PTPRD: variants seen among roughly 807,000 people sequenced by gnomAD.
PTPRD encodes the protein protein tyrosine phosphatase receptor type D.
In PTPRD, 34 loss-of-function variants were observed where a neutral mutation model predicts 214.5. The ratio of observed to expected loss-of-function variants is 0.16; its 90% CI spans 0.12 to 0.21. The LOEUF is 0.21. Among genes scored for constraint, PTPRD ranks in the 10% least tolerant of loss-of-function variants. The probability of loss-of-function intolerance (pLI) is 1.00; values close to 1 mark genes in which losing one functional copy is unlikely to be tolerated. For synonymous variants in PTPRD, 1,128 were observed against 845.7 expected (o/e 1.33, Z -5.79); for missense variants, 2,545 against 2,398.7 (o/e 1.06, Z -1.27).
chr9:10,272,783 A>G (rs768633588), intron 3 of PTPRD, among the ~76,000 whole-genome samples: 7 of 152,232 alleles, frequency 4.6e-5, no homozygotes, highest in African/African-American at 1.7e-4. Flanking sequence ...ATTTTTCTAT[A>G]AACAGAAATG....
chr9:9,687,253 G>C (rs367831769), intron 7 of PTPRD, among the ~76,000 whole-genome samples: 5 of 151,810 alleles, frequency 3.3e-5, no homozygotes, highest in African/African-American at 1.2e-4. Flanking sequence ...CCCAATGTTA[G>C]AAAAATACAG....
intron 2 of PTPRD, among the ~76,000 whole-genome samples, chr9:10,506,386 T>C (rs972050794): frequency 7.2e-5 from 11 of 152,186 alleles, no homozygotes; most frequent in African/African-American, 2.7e-4. Flanking sequence ...TAGAGAACTT[T>C]GATTTCATCA....
chr9:8,984,682 C>G (rs921748981), intron 11 of PTPRD, among the ~76,000 whole-genome samples: 1 of 152,106 alleles, frequency 6.6e-6, no homozygotes, highest in African/African-American at 2.4e-5. Context: ...TCACAGAAGT[C>G]ATCTGCAGCC....
chr9:8,657,439 G>C (rs1351820846), intron 12 of PTPRD, among the ~76,000 whole-genome samples: 1 of 152,006 alleles, frequency 6.6e-6, no homozygotes, highest in Admixed American at 6.5e-5. Flanking sequence ...AAAGTGCTGG[G>C]ATTACAGGCG....
At chr9:9,685,091 G>C (rs897839314) in intron 7 of PTPRD, among the ~76,000 whole-genome samples, 4 of 151,380 alleles carry the variant, frequency 2.6e-5, no homozygotes, top group Non-Finnish European at 5.9e-5. Context: ...AAGAAAATAT[G>C]AAAGTATAAA....
chr9:8,962,903 A>T (rs1424000174), intron 11 of PTPRD: 2 of 152,138 alleles, frequency 1.3e-5, no homozygotes, highest in Non-Finnish European at 2.9e-5. Flanking sequence ...ATACTCCTTT[A>T]ACCGGCAATG....
intron 4 of PTPRD, among the ~76,000 whole-genome samples, chr9:9,987,160 C>G (rs185294848): frequency 6.6e-6 from 1 of 152,094 alleles, no homozygotes; most frequent in Non-Finnish European, 1.5e-5. Context: ...AACCAACAAC[C>G]TTTTCTCTGG....
chr9:9,564,094 C>G (rs1416914906), intron 8 of PTPRD, among the ~76,000 whole-genome samples: 4 of 152,116 alleles, frequency 2.6e-5, no homozygotes, highest in African/African-American at 7.2e-5. Flanking sequence ...ATAGCATGCT[C>G]ATCTGGCCTC....
intron 2 of PTPRD, among the ~76,000 whole-genome samples, chr9:10,438,677 T>C (rs1433941679): frequency 6.6e-6 from 1 of 151,776 alleles, no homozygotes; most frequent in Non-Finnish European, 1.5e-5. Flanking sequence ...TTTCAAGACC[T>C]CTGTATTTAC....
chr9:10,119,310 G>C (rs67224985), intron 3 of PTPRD, among the ~76,000 whole-genome samples: 21,553 of 151,900 alleles, frequency 0.14, 1,634 homozygotes, highest in South Asian at 0.28. Context: ...GTCATCCAAA[G>C]ACAGATTCTA....
intron 2 of PTPRD, among the ~76,000 whole-genome samples, chr9:10,466,801 G>A (rs1365072154): frequency 6.6e-6 from 1 of 152,188 alleles, no homozygotes; most frequent in Non-Finnish European, 1.5e-5. Context: ...ATTATGACTA[G>A]ATGGCTTAGT....
chr9:8,499,960 T>C (rs10116020), intron 24 of PTPRD, 120 bp from the exon 25 acceptor site: 77,002 of 691,792 alleles, frequency 0.11, 5,337 homozygotes, highest in African/African-American at 0.26. Flanking sequence ...CACTATGTTT[T>C]CTTTGAAGAA....
intron 7 of PTPRD, among the ~76,000 whole-genome samples, chr9:9,690,727 T>G (rs185714888): frequency 2.0e-4 from 31 of 152,124 alleles, no homozygotes; most frequent in East Asian, 1.2e-3. Context: ...AGCCTGTTAT[T>G]TTGCCAATGT....
intron 36 of PTPRD, among the ~76,000 whole-genome samples, chr9:8,396,160 C>A (rs561829620): frequency 1.6e-4 from 25 of 152,144 alleles, no homozygotes; most frequent in African/African-American, 5.1e-4. Flanking sequence ...ATATCATAAT[C>A]AAAAAGTCCT....
intron 11 of PTPRD, among the ~76,000 whole-genome samples, chr9:8,840,007 C>G (rs575915426): frequency 6.6e-6 from 1 of 152,072 alleles, no homozygotes; most frequent in Non-Finnish European, 1.5e-5. Context: ...GGATTATGAG[C>G]AAAAGGACTA....
chr9:8,622,246 T>G (rs563265813), intron 14 of PTPRD, among the ~76,000 whole-genome samples: 2 of 152,050 alleles, frequency 1.3e-5, no homozygotes, highest in African/African-American at 2.4e-5. Flanking sequence ...CGAACCAAAG[T>G]ATATCCCAAA....
At chr9:8,839,932 A>G (rs13286146) in intron 11 of PTPRD, among the ~76,000 whole-genome samples, 12 of 152,342 alleles carry the variant, frequency 7.9e-5, no homozygotes, top group Admixed American at 4.6e-4. Flanking sequence ...TAGCAAATTC[A>G]CCATACAGTA....
At chr9:10,156,957 C>T (rs12237135) in intron 3 of PTPRD, among the ~76,000 whole-genome samples, 2 of 152,112 alleles carry the variant, frequency 1.3e-5, no homozygotes, top group African/African-American at 4.8e-5. Flanking sequence ...GCAACTTCTG[C>T]TTTTTTCTGT....
intron 12 of PTPRD, among the ~76,000 whole-genome samples, chr9:8,724,116 A>C (rs1289693337): frequency 6.6e-6 from 1 of 152,226 alleles, no homozygotes; most frequent in Non-Finnish European, 1.5e-5. Flanking sequence ...ATTAACAAAA[A>C]GATAAGTTTA....
Sources: allele counts gnomAD v4.1 joint callset (sites outside exome capture counted in the v4.1 genomes callset), GRCh38; gene constraint gnomAD v4.1.1; transcripts MANE v1.5; gene names NCBI Gene and HGNC (gene_info 2026-07-23, HGNC 2026-07-21).